PLEKHG4B: variants seen among roughly 807,000 people sequenced by gnomAD.
The protein encoded by PLEKHG4B is pleckstrin homology and RhoGEF domain containing G4B, also known as pleckstrin homology domain-containing family G member 4B.
A neutral mutation model predicts 121.3 loss-of-function variants in PLEKHG4B; 111 were observed. That is an observed-to-expected ratio of 0.92 (90% CI 0.78 to 1.07). The LOEUF (loss-of-function observed/expected upper bound fraction) is 1.07. Among genes scored for constraint, PLEKHG4B ranks in the 50% least tolerant of loss-of-function variants. PLEKHG4B has a pLI of 0.00. For missense variants in PLEKHG4B, 1,831 were observed against 1,757.8 expected (o/e 1.04, Z -0.74); for synonymous variants, 738 against 725.0 (o/e 1.02, Z -0.29).
intron 2 of PLEKHG4B, among the ~76,000 whole-genome samples, chr5:122,837 A>G (rs115455994): frequency 1.6e-3 from 241 of 152,352 alleles, no homozygotes; most frequent in Non-Finnish European, 2.7e-3. Context: ...TTTCAAGACA[A>G]TGAGTATTAC....
chr5:125,137 C>T (rs1426526724), intron 2 of PLEKHG4B, among the ~76,000 whole-genome samples: 1 of 152,042 alleles, frequency 6.6e-6, no homozygotes, highest in Non-Finnish European at 1.5e-5. Flanking sequence ...AAAAAAAAAT[C>T]AATTTTGCCA....
intron 1 of PLEKHG4B, among the ~76,000 whole-genome samples, chr5:108,627 G>A (rs1442493563): frequency 1.4e-5 from 2 of 145,310 alleles, no homozygotes; most frequent in Non-Finnish European, 3.0e-5. Flanking sequence ...GATGGCTGGT[G>A]TAGACAGACT....
In PLEKHG4B at chr5:171,460, G is replaced by T. The variant is rs777088796; in HGVS notation, c.4050+16G>T. ...CGGCTGTGACGTAAGTGCCTCAGAC[G>T]CTGGCAGCTCAGGCAAGCTGGGGGA... On this transcript the variant is annotated intron_variant, in intron 16 of 19. Transcript: ENST00000637938. The T allele has an allele frequency of 3.2e-6, 5 of 1,562,742 alleles. No individual in the cohort carries two copies. The South Asian group carries it at 4.5e-5, about 14-fold the overall frequency.
At chr5:102,262 T>C (rs1733843923) in intron 1 of PLEKHG4B, among the ~76,000 whole-genome samples, 1 of 152,196 alleles carries the variant, frequency 6.6e-6, no homozygotes, top group African/African-American at 2.4e-5. Flanking sequence ...TGACATATAC[T>C]AGAACTCACA....
rs1317516205 is a variant in PLEKHG4B at position 182,385 on chromosome 5, AGGCCTGAT to A, written c.*64_*71del. 1.3e-6 allele frequency: 2 copies of A among 1,487,338 alleles called. No homozygotes were observed. Among genetic ancestry groups the A allele is most frequent in the African/African-American group, 2.8e-5 (2 of 72,110 alleles). The allele number at this position is 1,487,338 out of a possible 1,614,324, so 92.1% of individuals were successfully genotyped here. ...AACAATACAGAGGGAGCAGCACGCC[AGGCCTGAT>A]GACTCTGGGGGTGGCGGTGCCCATC... On this transcript the variant is annotated 3_prime_UTR_variant, in exon 20 of 20. Coordinates refer to ENST00000637938, the MANE Select transcript of PLEKHG4B (RefSeq NM_052909.5).
rs1285293945 is a variant in PLEKHG4B at position 156,013 on chromosome 5, G to A, written c.2209-58G>A. 12 of 1,447,618 alleles carry A rather than the reference G, an allele frequency of 8.3e-6. No individual in the cohort carries two copies. Among genetic ancestry groups the A allele is most frequent in the Non-Finnish European group, 1.0e-5 (11 of 1,083,538 alleles). 89.7% of individuals were successfully genotyped at this position (1,447,618 alleles called of 1,614,324 possible). On this transcript the variant is annotated intron_variant, in intron 9 of 19. Coordinates refer to ENST00000637938, the MANE Select transcript of PLEKHG4B (RefSeq NM_052909.5). This position sits in a 1 kb window ranked among gnomAD's most constrained non-coding sequence, Gnocchi z 4.4. ...GACATTCCTGCCACTGTCACACTTG[G>A]GAGGACCTGCCCCTTGGAGGAGGGA...
intron 2 of PLEKHG4B, among the ~76,000 whole-genome samples, chr5:135,702 T>C (rs867908133): frequency 7.4e-5 from 6 of 81,516 alleles, no homozygotes; most frequent in African/African-American, 3.9e-4. Flanking sequence ...TATATATATA[T>C]ATATATATAT....
intron 2 of PLEKHG4B, among the ~76,000 whole-genome samples, chr5:131,079 C>G (rs1430459149): frequency 1.3e-5 from 2 of 151,874 alleles, no homozygotes; most frequent in Admixed American, 6.6e-5. Flanking sequence ...ACAGCTGATG[C>G]CCCACGCCTC....
At chr5:96,173 A>T (rs1195125718) in intron 1 of PLEKHG4B, among the ~76,000 whole-genome samples, 1 of 152,208 alleles carries the variant, frequency 6.6e-6, no homozygotes, top group African/African-American at 2.4e-5. Flanking sequence ...TGGTTTTCCC[A>T]GTGAGAGGGA....
intron 2 of PLEKHG4B, among the ~76,000 whole-genome samples, chr5:126,008 A>G (rs6897050): frequency 0.18 from 27,821 of 152,098 alleles, 3,455 homozygotes; most frequent in African/African-American, 0.35. Context: ...AGTCACTTCT[A>G]TCTTGCTGCT....
intron 13 of PLEKHG4B, among the ~76,000 whole-genome samples, chr5:165,188 CCTCTGACGGGGCGGAGCTCACACTAATG>C (rs1579315118): frequency 7.2e-5 from 1 of 13,922 alleles, no homozygotes; most frequent in Non-Finnish European, 1.6e-4. Flanking sequence ...TCACAGTACT[CCTCTGACGGGGCGGAGCTCACACTAATG>C]CTCTGACGGG....
intron 6 of PLEKHG4B, among the ~76,000 whole-genome samples, chr5:150,264 A>C (rs1286671648): frequency 4.6e-5 from 7 of 152,246 alleles, no homozygotes. Flanking sequence ...AATCACAAAA[A>C]GACAAACATT....
rs1467681317 is a variant in PLEKHG4B, at chr5:157,720, CT to C, written c.2487+812del. On this transcript the variant is annotated intron_variant, in intron 11 of 19. Transcript: ENST00000637938. The surrounding 1 kb of genome is among the most constrained non-coding windows in gnomAD (Gnocchi z 4.6). The stretch of plus-strand genomic sequence containing the variant: ...GGGTGCACACTCAGATAAAAAGTTT[CT>C]TTCTTTTCTCACATATAAACTCTTC... 6.6e-6 allele frequency among the ~76,000 whole-genome samples: 1 copy of C among 152,154 alleles called. No individual in the cohort carries two copies. Among genetic ancestry groups the C allele is most frequent in the Non-Finnish European group, 1.5e-5 (1 of 68,028 alleles).
Position 140,543 on chromosome 5 carries a change from G to A in PLEKHG4B, c.1304G>A (p.Arg435Lys). ...GGAGCTGCAGGGCGGACTCTTCCCA[G>A]GAGATCTCGGTCCTGGGAAAGGGCA... ...GPGAAGRTLP[R>K]RSRSWERAPR... The change falls in exon 3 of 20, where the codon AGG becomes AAG. Residue 435 changes from arginine to lysine, a missense_variant. By Grantham distance (26) the Arg-to-Lys change is conservative. Transcript: ENST00000637938. 1 of 1,603,210 alleles carries A rather than the reference G, an allele frequency of 6.2e-7. No individual in the cohort carries two copies. The highest frequency in any genetic ancestry group is 8.5e-7 in the Non-Finnish European group (1 of 1,175,452).
intron 13 of PLEKHG4B, among the ~76,000 whole-genome samples, chr5:165,155 C>G (rs1214249700): frequency 3.6e-5 from 3 of 82,684 alleles, no homozygotes; most frequent in African/African-American, 4.1e-5. Context: ...GGAGCTCACA[C>G]TAATGCTCTG....
chr5:146,607 C>T (rs1430931858), intron 6 of PLEKHG4B, among the ~76,000 whole-genome samples: 3 of 137,700 alleles, frequency 2.2e-5, no homozygotes, highest in Non-Finnish European at 4.8e-5. Context: ...GTCCTCCCTC[C>T]TCTCCCCCAA....
intron 1 of PLEKHG4B, among the ~76,000 whole-genome samples, chr5:107,147 C>G (rs913890992): frequency 6.6e-6 from 1 of 152,230 alleles, no homozygotes; most frequent in Non-Finnish European, 1.5e-5. Flanking sequence ...AACTGTAAAG[C>G]TGCTCCAGGT....
chr5:148,345 A>AC (rs1735495272), intron 6 of PLEKHG4B, among the ~76,000 whole-genome samples: 2 of 103,314 alleles, frequency 1.9e-5, no homozygotes, highest in Admixed American at 8.3e-5. Flanking sequence ...ACAGTTCCAC[A>AC]AAAAAAAAAA....
chr5:103,939 G>A (rs1348954536), intron 1 of PLEKHG4B, among the ~76,000 whole-genome samples: 3 of 152,088 alleles, frequency 2.0e-5, no homozygotes, highest in Non-Finnish European at 4.4e-5. Flanking sequence ...TAGCTCCCAC[G>A]TGTGAGTGAA....
Sources: gnomAD v4.1 joint callset for allele counts (sites outside exome capture counted in the v4.1 genomes callset) on GRCh38, gnomAD v4.1.1 for gene constraint, Gnocchi (gnomAD v3.1) non-coding constraint, MANE v1.5 for transcripts, NCBI Gene and HGNC (gene_info 2026-07-23, HGNC 2026-07-21) for gene names.